Variants in CEP135 observed in about 807,000 individuals in gnomAD.
The protein encoded by CEP135 is centrosomal protein 135.
A neutral mutation model predicts 157.3 loss-of-function variants in CEP135; 142 were observed. The ratio of observed to expected loss-of-function variants is 0.90; its 90% confidence interval spans 0.79 to 1.04. The LOEUF (loss-of-function observed/expected upper bound fraction) is 1.04. Ranked by LOEUF, CEP135 falls within the 50% of genes least tolerant of loss-of-function variation. CEP135 has a pLI of 0.00. For missense variants in CEP135, 1,317 were observed against 1,309.2 expected, an observed-to-expected ratio of 1.01 and a Z score of -0.09; for synonymous variants, 396 against 439.8, an observed-to-expected ratio of 0.90 and a Z score of 1.25.
At chr4:56,012,200 G>C (rs1349360711) in intron 21 of CEP135, among the ~76,000 whole-genome samples, 1 of 152,116 alleles carries the variant, frequency 6.6e-6, no homozygotes, top group Non-Finnish European at 1.5e-5. Context: ...GATTATAGGA[G>C]TGTGCCACCA....
chr4:55,995,720 G>A (rs981978573), intron 15 of CEP135, among the ~76,000 whole-genome samples: 6 of 152,084 alleles, frequency 3.9e-5, no homozygotes, highest in African/African-American at 7.2e-5. Flanking sequence ...CAGGCCTTAC[G>A]GAAATTGGCA....
chr4:56,004,526 G>A (rs1394835999), intron 17 of CEP135, among the ~76,000 whole-genome samples: 1 of 152,130 alleles, frequency 6.6e-6, no homozygotes, highest in Non-Finnish European at 1.5e-5. Context: ...TACCATTATC[G>A]TATTGCAGTG....
At position 56,019,504 on chromosome 4, in the gene CEP135, A is replaced by G. The variant is rs750751882; in HGVS notation, c.3164A>G (p.Asp1055Gly). ...TCTCACTTAACCTCCCACGAGAAGGATACAGAAATCCAGCTACTTAAGGAG... is the reference window on the plus strand; with the variant it reads ...TCTCACTTAACCTCCCACGAGAAGGGTACAGAAATCCAGCTACTTAAGGAG... ...FHSHLTSHEKDTEIQLLKEKL... is the reference protein window; with the variant it reads ...FHSHLTSHEKGTEIQLLKEKL... Residue 1055 changes from aspartate to glycine, a missense_variant, in exon 23 of 26, where the codon GAT becomes GGT. Transcript: ENST00000257287. 9 of 1,613,914 alleles carry G rather than the reference A, an allele frequency of 5.6e-6. No individual in the cohort carries two copies. The African/African-American group carries it at 1.1e-4, about 19-fold the overall frequency.
chr4:55,999,521 A>T lies in CEP135; in HGVS notation c.2156A>T (p.Asp719Val). ...CTAAACCTTAAGATGACTTCACAGG[A>T]TGAGGAGGCTCATGTAATGAAAAAG... ...DELNLKMTSQ[D>V]EEAHVMKKTI... Residue 719 changes from aspartate to valine, a missense_variant, in exon 17 of 26, where the codon GAT becomes GTT. By Grantham distance (152) the Asp-to-Val change is radical (BLOSUM62 -3). Transcript: ENST00000257287. The T allele has an allele frequency of 6.2e-7, 1 of 1,611,396 alleles. No individual in the cohort carries two copies. The highest frequency in any genetic ancestry group is 8.5e-7 in the Non-Finnish European group (1 of 1,179,492).
chr4:55,990,653 T>C (rs1729755124), intron 14 of CEP135, among the ~76,000 whole-genome samples: 1 of 151,916 alleles, frequency 6.6e-6, no homozygotes, highest in Admixed American at 6.6e-5. Flanking sequence ...TATACCATCA[T>C]GCCCGGCTAA....
At chr4:55,979,534 G>A (rs750734348) in intron 11 of CEP135, among the ~76,000 whole-genome samples, 26 of 152,234 alleles carry the variant, frequency 1.7e-4, no homozygotes, top group Admixed American at 8.5e-4. Flanking sequence ...TATGCCTGGC[G>A]TATTGATCTT....
intron 5 of CEP135, among the ~76,000 whole-genome samples, chr4:55,958,744 G>T (rs111635329): frequency 6.6e-6 from 1 of 152,018 alleles, no homozygotes; most frequent in African/African-American, 2.4e-5. Flanking sequence ...GGTACAAGCC[G>T]TATCCAGCCT....
chr4:55,954,302 T>C lies in CEP135; in HGVS notation c.391T>C (p.Leu131=). Residue 131 remains leucine, a synonymous_variant, in exon 4 of 26, where the codon TTG becomes CTG. Transcript: ENST00000257287. ...NNQYAHKLKL[L]EKESKAKNER... ...CCAATATGCTCATAAACTCAAACTG[T>C]TGGAGAAAGAGAGCAAAGCTAAGAA... is the stretch of plus-strand genomic sequence containing the variant. 6.2e-7 allele frequency: 1 copy of C among 1,612,070 alleles called. No homozygotes were observed. Among genetic ancestry groups the C allele is most frequent in the South Asian group, 1.1e-5 (1 of 90,636 alleles).
chr4:56,003,608 A>G (rs1309154050), intron 17 of CEP135, among the ~76,000 whole-genome samples: 1 of 151,528 alleles, frequency 6.6e-6, no homozygotes, highest in Non-Finnish European at 1.5e-5. Context: ...TTGCTTTTCT[A>G]GTTCCTTTCT....
intron 17 of CEP135, among the ~76,000 whole-genome samples, chr4:56,002,443 G>C (rs1730209328): frequency 6.6e-6 from 1 of 151,934 alleles, no homozygotes; most frequent in South Asian, 2.1e-4. Flanking sequence ...TACAAAAACG[G>C]GATGTTGCAA....
Position 55,974,930 on chromosome 4 carries a change from C to T in CEP135, c.1434C>T (p.Ser478=), listed in dbSNP as rs201737230. The change falls in exon 11 of 26, where the codon AGC becomes AGT. Residue 478 remains serine, a synonymous_variant. Coordinates refer to ENST00000257287, the MANE Select transcript of CEP135 (RefSeq NM_025009.5). ...GAAGATCTTGCTCTACAAGTTATAG[C>T]GCACGTGAAAAAAGTTCAATATTTA... The part of the protein sequence containing the change: ...IQRRSCSTSY[S]AREKSSIFRT... 34 of 1,607,406 alleles carry T rather than the reference C, an allele frequency of 2.1e-5. No individual in the cohort carries two copies. The highest frequency in any genetic ancestry group is 8.0e-5 in the African/African-American group (6 of 74,702).
intron 25 of CEP135, among the ~76,000 whole-genome samples, chr4:56,029,881 G>A (rs2109758526): frequency 6.6e-6 from 1 of 152,320 alleles, no homozygotes; most frequent in South Asian, 2.1e-4. Flanking sequence ...TGAGTGAGTG[G>A]TGAGTGAACG....
chr4:55,969,929 A>G (rs1380485329), intron 9 of CEP135, among the ~76,000 whole-genome samples: 1 of 151,900 alleles, frequency 6.6e-6, no homozygotes, highest in Non-Finnish European at 1.5e-5. Flanking sequence ...CTGGAGTGTA[A>G]TGGCATGATC....
intron 22 of CEP135, among the ~76,000 whole-genome samples, chr4:56,018,275 A>G (rs373605308): frequency 6.6e-6 from 1 of 152,116 alleles, no homozygotes; most frequent in African/African-American, 2.4e-5. Context: ...TACTGCACCC[A>G]GCCTACAATA....
chr4:56,004,944 T>G (rs1244942820), intron 17 of CEP135, among the ~76,000 whole-genome samples: 1 of 139,492 alleles, frequency 7.2e-6, no homozygotes, highest in African/African-American at 2.7e-5. Context: ...TTTTTTTTTT[T>G]GCTTCTTTTC....
At chr4:55,981,629 G>GT (rs889048966) in intron 13 of CEP135, among the ~76,000 whole-genome samples, 10 of 152,006 alleles carry the variant, frequency 6.6e-5, no homozygotes, top group East Asian at 1.9e-4. Flanking sequence ...AATATTTACT[G>GT]TTTTTTTACA....
intron 17 of CEP135, among the ~76,000 whole-genome samples, chr4:56,005,238 A>G (rs1170034046): frequency 6.6e-6 from 1 of 152,062 alleles, no homozygotes; most frequent in Admixed American, 6.6e-5. Flanking sequence ...TGAGGCCACA[A>G]GTTTAACGTA....
intron 23 of CEP135, 34 bp from the exon 24 acceptor site, chr4:56,020,642 C>A: frequency 1.9e-6 from 3 of 1,572,404 alleles, no homozygotes; most frequent in Non-Finnish European, 2.6e-6. Context: ...CAAAACGGAA[C>A]GTTTATTTCT....
intron 8 of CEP135, among the ~76,000 whole-genome samples, chr4:55,968,743 G>T (rs760551603): frequency 1.3e-5 from 2 of 152,130 alleles, no homozygotes; most frequent in Non-Finnish European, 2.9e-5. Flanking sequence ...CAGGTATGGA[G>T]AAAGCAAATA....
Sources: gnomAD v4.1 joint callset for allele counts (sites outside exome capture counted in the v4.1 genomes callset) on GRCh38, gnomAD v4.1.1 for gene constraint, MANE v1.5 for transcripts, NCBI Gene and HGNC (gene_info 2026-07-23, HGNC 2026-07-21) for gene names.